The following C3orf49 variants were observed in gnomAD, a reference collection of about 807,000 sequenced individuals.
C3orf49 encodes chromosome 3 open reading frame 49.
A neutral mutation model predicts 13.3 loss-of-function variants in C3orf49; 27 were observed. That is an observed-to-expected ratio of 2.02 (90% confidence interval 1.49 to 2.79). The LOEUF (loss-of-function observed/expected upper bound fraction) is 2.79, where lower values mean the gene tolerates loss of function less well. C3orf49 is among the 30% of genes most tolerant of loss of function. The probability of loss-of-function intolerance (pLI) is 0.00; values close to 1 mark genes in which losing one functional copy is unlikely to be tolerated. For missense variants in C3orf49, 242 were observed against 134.2 expected, an observed-to-expected ratio of 1.80 and a Z score of -3.97; for synonymous variants, 87 against 47.6, an observed-to-expected ratio of 1.83 and a Z score of -3.40.
chr3:63,831,548 AG>A, intron 4 of C3orf49, 131 bp from the exon 5 acceptor site: 1 of 638,178 alleles, frequency 1.6e-6, no homozygotes, highest in Non-Finnish European at 2.8e-6. Context: ...GACTTGAATT[AG>A]AATAATATTT....
the C3orf49 span, among the ~76,000 whole-genome samples, chr3:63,804,305 A>G: frequency 6.6e-6 from 1 of 152,148 alleles, no homozygotes; most frequent in Admixed American, 6.5e-5. Context: ...GCTATATTTT[A>G]TCTAGCTGGG....
chr3:63,843,869 C>T (rs1280243455), intron 5 of C3orf49, among the ~76,000 whole-genome samples: 1 of 151,952 alleles, frequency 6.6e-6, no homozygotes, highest in Non-Finnish European at 1.5e-5. Context: ...CCACTGCACT[C>T]CAGCCTGGGC....
chr3:63,831,064 A>T (rs867495985), intron 3 of C3orf49, 46 bp from the exon 4 acceptor site: 1 of 680,742 alleles, frequency 1.5e-6, no homozygotes, highest in East Asian at 2.7e-5. Flanking sequence ...TCACATAAAT[A>T]ATGTTGGTAG....
At chr3:63,803,258 G>A in the C3orf49 span, among the ~76,000 whole-genome samples, 1,451 of 152,168 alleles carry the variant, frequency 9.5e-3, 21 homozygotes, top group African/African-American at 0.031. Context: ...GTCTTTTGCC[G>A]TGTGCCTTGG....
chr3:63,805,798 G>A, the C3orf49 span, among the ~76,000 whole-genome samples: 6,144 of 152,156 alleles, frequency 0.04, 160 homozygotes, highest in Non-Finnish European at 0.062. Flanking sequence ...GAGGGAAATA[G>A]TATCTCTATT....
At chr3:63,803,124 C>T in the C3orf49 span, among the ~76,000 whole-genome samples, 3 of 152,188 alleles carry the variant, frequency 2.0e-5, no homozygotes, top group African/African-American at 7.2e-5. Flanking sequence ...TAAATCTGTT[C>T]TCTTTACAAT....
At chr3:63,836,435 A>C in intron 5 of C3orf49, 1 of 1,348,486 alleles carries the variant, frequency 7.4e-7, no homozygotes, top group Non-Finnish European at 1.1e-6. Context: ...GTAATATCAC[A>C]AACCTCTCCT....
chr3:63,840,753 C>T (rs906009837), intron 5 of C3orf49, among the ~76,000 whole-genome samples: 1 of 152,136 alleles, frequency 6.6e-6, no homozygotes, highest in African/African-American at 2.4e-5. Flanking sequence ...CACAGTAAAA[C>T]GTCATTTTTC....
chr3:63,788,178 T>C, the C3orf49 span, among the ~76,000 whole-genome samples: 1 of 152,180 alleles, frequency 6.6e-6, no homozygotes, highest in African/African-American at 2.4e-5. Flanking sequence ...GCTCAGGTTG[T>C]TCCTTAATGA....
chr3:63,808,727 A>T, the C3orf49 span, among the ~76,000 whole-genome samples: 1 of 152,180 alleles, frequency 6.6e-6, no homozygotes, highest in Non-Finnish European at 1.5e-5. Context: ...CCTAGGTATT[A>T]GGTATAACTT....
the C3orf49 span, among the ~76,000 whole-genome samples, chr3:63,808,027 A>G: frequency 7.9e-5 from 12 of 152,170 alleles, 1 homozygote; most frequent in South Asian, 2.5e-3. Context: ...GAAGGAGGAG[A>G]ACGACATAAT....
chr3:63,830,061 A>G (rs1347720603), intron 3 of C3orf49, among the ~76,000 whole-genome samples: 1 of 152,210 alleles, frequency 6.6e-6, no homozygotes, highest in African/African-American at 2.4e-5. Context: ...TGAAAAATAA[A>G]AAGATTTGAA....
chr3:63,810,398 C>G, the C3orf49 span, among the ~76,000 whole-genome samples: 1 of 152,188 alleles, frequency 6.6e-6, no homozygotes, highest in African/African-American at 2.4e-5. Flanking sequence ...GTACTAAGAA[C>G]AGTGTCTGTC....
intron 2 of C3orf49, among the ~76,000 whole-genome samples, chr3:63,825,657 G>A (rs559908251): frequency 9.9e-5 from 15 of 152,276 alleles, no homozygotes; most frequent in African/African-American, 3.6e-4. Context: ...CTTTGTTGTG[G>A]CCCCAAATCA....
the C3orf49 span, among the ~76,000 whole-genome samples, chr3:63,799,189 A>G: frequency 6.6e-6 from 1 of 152,180 alleles, no homozygotes. Flanking sequence ...GTTGAATTGC[A>G]TGTTACAGAG....
chr3:63,780,203 A>G, the C3orf49 span, among the ~76,000 whole-genome samples: 1 of 152,006 alleles, frequency 6.6e-6, no homozygotes, highest in African/African-American at 2.4e-5. Flanking sequence ...ATGTGTTCTC[A>G]TTGTTCAATT....
chr3:63,804,262 C>T, the C3orf49 span, among the ~76,000 whole-genome samples: 1 of 152,118 alleles, frequency 6.6e-6, no homozygotes, highest in East Asian at 1.9e-4. Context: ...GAACAATCAG[C>T]CTGCCTAAAC....
At chr3:63,825,736 T>C (rs1311106445) in intron 2 of C3orf49, among the ~76,000 whole-genome samples, 2 of 152,240 alleles carry the variant, frequency 1.3e-5, no homozygotes, top group African/African-American at 4.8e-5. Flanking sequence ...AAGTACTTAT[T>C]ATATGACAGC....
rs1474658673 is a variant in C3orf49, at chr3:63,823,569, G to A, written c.445G>A (p.Ala149Thr). 1.4e-6 allele frequency: 1 copy of A among 694,824 alleles called. No homozygotes were observed. The highest frequency in any genetic ancestry group is 2.6e-6 in the Non-Finnish European group (1 of 381,722). 43.0% of individuals were successfully genotyped at this position (694,824 alleles called of 1,614,324 possible). A position where few individuals can be genotyped will look rare whatever the true frequency, so the allele number is the denominator to read the frequency against. Residue 149 changes from alanine to threonine, a missense_variant and splice_region_variant, in exon 2 of 7, where the codon GCG becomes ACG. By Grantham distance (58) the Ala-to-Thr change is moderately conservative (BLOSUM62 0). Transcript: ENST00000295896. ...TAKMRKLSEN[A>T]TIQLDVVEAE... ...AAAAATGAGAAAGCTCTCAGAGAAT[G>A]GTAATCATATTTGGGCAATTTGTCT... is the stretch of plus-strand genomic sequence containing the variant.
Sources: gnomAD v4.1 joint callset for allele counts (sites outside exome capture counted in the v4.1 genomes callset) on GRCh38, gnomAD v4.1.1 for gene constraint, MANE v1.5 for transcripts, NCBI Gene and HGNC (gene_info 2026-07-23, HGNC 2026-07-21) for gene names.